COBL: variants seen among roughly 807,000 people sequenced by gnomAD.
COBL encodes protein cordon-bleu.
COBL carries 51 observed loss-of-function variants against 98.8 expected under a neutral mutation model. The ratio of observed to expected loss-of-function variants is 0.52; its 90% CI spans 0.41 to 0.65. The LOEUF (loss-of-function observed/expected upper bound fraction) is 0.65, where lower values mean the gene tolerates loss of function less well. Ranked by LOEUF, COBL falls within the 30% of genes least tolerant of loss-of-function variation. The pLI is 0.00. For missense variants in COBL, 1,617 were observed against 1,617.5 expected (o/e 1.00, Z 0.01); for synonymous variants, 634 against 651.7 (o/e 0.97, Z 0.41).
intron 2 of COBL, among the ~76,000 whole-genome samples, chr7:51,199,031 G>C (rs77710631): frequency 0.014 from 2,124 of 152,214 alleles, 52 homozygotes; most frequent in African/African-American, 0.048. Flanking sequence ...AGGAGCTGTG[G>C]TGCTTCCAAA....
At chr7:51,107,226 C>G (rs1796389719) in intron 6 of COBL, among the ~76,000 whole-genome samples, 1 of 151,712 alleles carries the variant, frequency 6.6e-6, no homozygotes, top group Non-Finnish European at 1.5e-5. Flanking sequence ...TCCTGAGTAG[C>G]TGGGACTACA....
rs1038969227 is a variant in COBL at position 51,193,568 on chromosome 7, C to A, written c.267G>T (p.Leu89=). 6.2e-7 allele frequency: 1 copy of A among 1,614,020 alleles called. No individual in the cohort carries two copies. The highest frequency in any genetic ancestry group is 1.3e-5 in the African/African-American group (1 of 74,906). The change falls in exon 3 of 13, where the codon CTG becomes CTT. Residue 89 remains leucine, a synonymous_variant. Coordinates refer to ENST00000265136, the MANE Select transcript of COBL (RefSeq NM_015198.5). ...GGTGGTTCTGAAGGCAAAGTTCAAC[C>A]AGTAGGTCCATCATCGCATGGCTGA... ...LNGSHAMMDL[L]VELCLQNHLN...
chr7:51,071,352 C>G (rs909998836), intron 7 of COBL: 5 of 152,176 alleles, frequency 3.3e-5, no homozygotes, highest in Non-Finnish European at 7.4e-5. Context: ...AGTGCCAAGT[C>G]ACATGTAAAT....
intron 1 of COBL, among the ~76,000 whole-genome samples, chr7:51,229,495 A>G (rs1794529374): frequency 6.6e-6 from 1 of 152,148 alleles, no homozygotes; most frequent in African/African-American, 2.4e-5. Context: ...TTCGTCCACC[A>G]CCTTCTTGGA....
At chr7:51,208,960 CTTG>C (rs1792110004) in intron 2 of COBL, among the ~76,000 whole-genome samples, 1 of 146,918 alleles carries the variant, frequency 6.8e-6, no homozygotes, top group Admixed American at 7.0e-5. Context: ...CCTTTGTTCA[CTTG>C]TTTATCTGCT....
intron 1 of COBL, chr7:51,259,775 G>C: frequency 1.3e-6 from 1 of 749,676 alleles, no homozygotes; most frequent in Non-Finnish European, 2.4e-6. Context: ...TTCCACTATG[G>C]GCAGCATTTT....
chr7:51,126,550 G>C (rs73697806), intron 6 of COBL, among the ~76,000 whole-genome samples: 5,974 of 152,186 alleles, frequency 0.039, 396 homozygotes, highest in African/African-American at 0.13. Context: ...TCTTAGACTT[G>C]AAATTGAAGG....
At chr7:51,232,989 A>T (rs2129107192) in intron 1 of COBL, among the ~76,000 whole-genome samples, 1 of 152,342 alleles carries the variant, frequency 6.6e-6, no homozygotes, top group Non-Finnish European at 1.5e-5. Flanking sequence ...TATGCAAGTG[A>T]TCAGGAGTAA....
intron 2 of COBL, among the ~76,000 whole-genome samples, chr7:51,200,922 T>G (rs1584146846): frequency 6.6e-6 from 1 of 152,062 alleles, no homozygotes; most frequent in East Asian, 1.9e-4. Context: ...AAATAAAGAA[T>G]GAAGAATGAT....
chr7:51,120,828 T>C (rs1410403251), intron 6 of COBL, among the ~76,000 whole-genome samples: 1 of 152,254 alleles, frequency 6.6e-6, no homozygotes, highest in African/African-American at 2.4e-5. Context: ...TTTCCTTCCT[T>C]TTAAATGTTT....
intron 7 of COBL, among the ~76,000 whole-genome samples, chr7:51,045,151 C>T (rs1286958875): frequency 6.6e-6 from 1 of 152,196 alleles, no homozygotes; most frequent in Admixed American, 6.5e-5. Context: ...TCCTCTCTTG[C>T]CTTCCCTTTT....
At chr7:51,022,147 A>G (rs1787002377) in intron 12 of COBL, among the ~76,000 whole-genome samples, 1 of 152,212 alleles carries the variant, frequency 6.6e-6, no homozygotes, top group Non-Finnish European at 1.5e-5. Flanking sequence ...CGTGGTTTCC[A>G]ACGTAGGACT....
Position 51,028,941 on chromosome 7 carries a change from A to G in COBL, c.2155T>C (p.Cys719Arg), listed in dbSNP as rs1787881113. The G allele has an allele frequency of 6.2e-7, 1 of 1,614,224 alleles. No homozygotes were observed. ...KIIPPKSEMR[C>R]YDRDVSLSTG... ...GAGAGGGACACATCTCTGTCGTAAC[A>G]TCGCATCTCTGACTTTGGAGGAATG... Residue 719 changes from cysteine (C) to arginine (R), a missense_variant, in exon 10 of 13, where the codon TGT (cysteine) becomes CGT (arginine). Cys to Arg is a radical substitution (Grantham distance 180). This residue lies in a region of COBL where 1,304 missense variants were observed against 1,282.0 expected (regional missense o/e 1.02). Coordinates refer to ENST00000265136, the MANE Select transcript of COBL (RefSeq NM_015198.5).
At chr7:51,226,079 A>G (rs1482068157) in intron 1 of COBL, among the ~76,000 whole-genome samples, 2 of 152,208 alleles carry the variant, frequency 1.3e-5, no homozygotes, top group Non-Finnish European at 2.9e-5. Flanking sequence ...ACCTGAAGGT[A>G]TAACAATTTC....
At chr7:51,063,027 T>C (rs1487804753) in intron 7 of COBL, among the ~76,000 whole-genome samples, 1 of 152,164 alleles carries the variant, frequency 6.6e-6, no homozygotes, top group Non-Finnish European at 1.5e-5. Context: ...TTCAGCACTC[T>C]GTCAAAGGCA....
intron 1 of COBL, among the ~76,000 whole-genome samples, chr7:51,302,724 C>A (rs1802095471): frequency 6.6e-6 from 1 of 151,870 alleles, no homozygotes; most frequent in Non-Finnish European, 1.5e-5. Flanking sequence ...GCAGCAAGAC[C>A]CTATTTCTAA....
rs1417250959 is a variant in COBL at position 51,114,345 on chromosome 7, T to C, written c.957+21813A>G. On this transcript the variant is annotated intron_variant, in intron 6 of 12. Transcript: ENST00000265136. ...CTCACTGTTATACACGGTCAAATTC[T>C]GAGGGCTGGTTCTTACGTACTCCAG... Among the ~76,000 whole-genome samples the C allele has an allele frequency of 1.0e-4, 15 of 149,690 alleles. No homozygotes were observed. The East Asian group carries it at 3.0e-3, about 30-fold the overall frequency.
At chr7:51,275,626 TGCCACCAGCC>T (rs1243173779) in intron 1 of COBL, among the ~76,000 whole-genome samples, 2 of 151,736 alleles carry the variant, frequency 1.3e-5, no homozygotes, top group Non-Finnish European at 2.9e-5. Flanking sequence ...TGGCATCAGC[TGCCACCAGCC>T]ACCACCAGCC....
intron 4 of COBL, among the ~76,000 whole-genome samples, chr7:51,185,840 C>T (rs1210030991): frequency 6.6e-6 from 1 of 152,226 alleles, no homozygotes; most frequent in Admixed American, 6.5e-5. Flanking sequence ...ATAACACAGG[C>T]GTGAACACTG....
Sources: gnomAD v4.1 joint callset for allele counts (sites outside exome capture counted in the v4.1 genomes callset) on GRCh38, gnomAD v4.1.1 for gene constraint, gnomAD v4.1.1 regional missense constraint, MANE v1.5 for transcripts, NCBI Gene and HGNC (gene_info 2026-07-23, HGNC 2026-07-21) for gene names.